Variants in RGS3 observed in about 807,000 individuals in gnomAD.
RGS3 encodes the protein regulator of G-protein signalling 3.
RGS3 carries 80 observed loss-of-function variants against 132.6 expected under a neutral mutation model. The observed-to-expected ratio is 0.60, with a 90% confidence interval of 0.50 to 0.73. The LOEUF is 0.73. RGS3 is among the 30% of genes least tolerant of loss of function. The probability of loss-of-function intolerance (pLI) is 0.00; values close to 1 mark genes in which losing one functional copy is unlikely to be tolerated. For missense variants in RGS3, 1,382 were observed against 1,530.8 expected (o/e 0.90, Z 1.62); for synonymous variants, 598 against 620.6 (o/e 0.96, Z 0.54).
intron 9 of RGS3, 30 bp downstream of exon 7, chr9:113,497,434 C>G (rs182387025): frequency 6.3e-7 from 1 of 1,576,362 alleles, no homozygotes; most frequent in Admixed American, 1.7e-5. Flanking sequence ...AGCTTCCCTT[C>G]CCAGGACCTG....
In RGS3 at chr9:113,463,777, T is replaced by C; in HGVS notation, c.415+1576T>C. On this transcript the variant is annotated intron_variant, in intron 3 of 24. Coordinates refer to ENST00000350696, the Ensembl canonical transcript of RGS3. The surrounding 1 kb of genome is among the most constrained non-coding windows in gnomAD (Gnocchi z 4.6). ...CACAGCCGCCTCGGGTTGCAGACGCTCCTGTCCGGGTCGCAGTGGGACGCC... is the reference window on the plus strand; with the variant it reads ...CACAGCCGCCTCGGGTTGCAGACGCCCCTGTCCGGGTCGCAGTGGGACGCC... 2 of 1,598,304 alleles carry C rather than the reference T, an allele frequency of 1.3e-6. No homozygotes were observed. Among genetic ancestry groups the C allele is most frequent in the East Asian group, 4.5e-5 (2 of 44,248 alleles).
Position 113,529,022 on chromosome 9 carries a change from C to G in RGS3, c.1871-199C>G, listed in dbSNP as rs542343149. On this transcript the variant is annotated intron_variant, in intron 17 of 24. Transcript: ENST00000350696. ...GCCAGGCTGACCCGCAGGCAAATGC[C>G]TTAGAGCTGTACATTACCCTGGTTA... Among the ~76,000 whole-genome samples, 8 of 152,322 alleles carry G rather than the reference C, an allele frequency of 5.3e-5. No individual in the cohort carries two copies. In the East Asian group the frequency reaches 1.5e-3, roughly 29 times the overall value.
intron 19 of RGS3, among the ~76,000 whole-genome samples, chr9:113,559,564 A>G (rs7024445): frequency 0.12 from 18,183 of 152,220 alleles, 1,313 homozygotes; most frequent in African/African-American, 0.19. Context: ...GTTGGGAATC[A>G]TCCATTGCGG....
chr9:113,463,644 C>G lies in RGS3; in HGVS notation c.415+1443C>G. 1.5e-6 allele frequency: 2 copies of G among 1,352,850 alleles called. No individual in the cohort carries two copies. The highest frequency in any genetic ancestry group is 1.9e-6 in the Non-Finnish European group (2 of 1,047,438). The allele number at this position is 1,352,850 out of a possible 1,614,324, so 83.8% of individuals were successfully genotyped here. ...GTGGAACTCTCCCCATTCAAACCCGCGCGGGCCAATCAGGGCCGGGCGCGC... is the reference window on the plus strand; with the variant it reads ...GTGGAACTCTCCCCATTCAAACCCGGGCGGGCCAATCAGGGCCGGGCGCGC... On this transcript the variant is annotated intron_variant, in intron 3 of 24. Transcript: ENST00000350696. The surrounding 1 kb of genome is among the most constrained non-coding windows in gnomAD (Gnocchi z 4.6).
chr9:113,461,799 C>T, exon 2 of RGS3: 1 of 1,614,176 alleles, frequency 6.2e-7, no homozygotes, highest in Non-Finnish European at 8.5e-7. Flanking sequence ...GCCTCTGGAG[C>T]CCAAGATAGT....
rs537645978 is a variant in RGS3, at chr9:113,525,569, T to C, written c.1870+2528T>C. On this transcript the variant is annotated intron_variant, in intron 17 of 24. Transcript: ENST00000350696. ...TCTGATTAATATTGCTCATGACTCCTAGGTTTCTTATTTGTCTCTTTCAAA... is the reference window on the plus strand; with the variant it reads ...TCTGATTAATATTGCTCATGACTCCCAGGTTTCTTATTTGTCTCTTTCAAA... Among the ~76,000 whole-genome samples the C allele has an allele frequency of 5.1e-4, 77 of 152,320 alleles. 2 individuals carry two copies. In the Middle Eastern group the frequency reaches 0.037, roughly 74 times the overall value.
chr9:113,536,138 G>A (rs1370072492), intron 18 of RGS3, among the ~76,000 whole-genome samples: 3 of 152,200 alleles, frequency 2.0e-5, no homozygotes, highest in Admixed American at 1.3e-4. Flanking sequence ...ATAGCGAAGC[G>A]GGACCTAAAT....
At chr9:113,466,909 G>A (rs1829661534) in intron 3 of RGS3, among the ~76,000 whole-genome samples, 1 of 151,856 alleles carries the variant, frequency 6.6e-6, no homozygotes, top group African/African-American at 2.4e-5. Flanking sequence ...CAAAGCAATT[G>A]CTAATCTATT....
chr9:113,517,161 G>A, intron 15 of RGS3: 4 of 466,390 alleles, frequency 8.6e-6, no homozygotes, highest in South Asian at 6.2e-5. Context: ...TCTTGGTCCT[G>A]TGAGGCATGA....
intron 7 of RGS3, among the ~76,000 whole-genome samples, chr9:113,494,917 C>G (rs961014025): frequency 1.2e-4 from 19 of 152,086 alleles, no homozygotes; most frequent in African/African-American, 4.6e-4. Flanking sequence ...GCTCTGTCAC[C>G]CAGGCTGCAG....
intron 11 of RGS3, among the ~76,000 whole-genome samples, chr9:113,505,917 G>T (rs1295029456): frequency 6.6e-6 from 1 of 152,194 alleles, no homozygotes; most frequent in Non-Finnish European, 1.5e-5. Flanking sequence ...CACAAATGAA[G>T]ATTTCTCTTA....
Position 113,514,492 on chromosome 9 carries a change from A to G in RGS3, c.1512A>G (p.Thr504=). The G allele has an allele frequency of 1.9e-6, 3 of 1,614,202 alleles. No individual in the cohort carries two copies. In the South Asian group the frequency reaches 3.3e-5, roughly 18 times the overall value. The change falls in exon 15 of 25, where the codon ACA becomes ACG. Residue 504 remains threonine, a synonymous_variant. Coordinates refer to ENST00000350696, the Ensembl canonical transcript of RGS3. ...GTCCCAGTAAAGGGAAGTCCTACAC[A>G]GGCCTGGGGAAGAAGTCCCGGCTGA...
chr9:113,539,227 A>C (rs559725220), intron 19 of RGS3, among the ~76,000 whole-genome samples: 135 of 152,176 alleles, frequency 8.9e-4, no homozygotes, highest in African/African-American at 3.1e-3. Context: ...GCTGGCCACT[A>C]AGGTCTCCAT....
At chr9:113,481,828 C>T (rs1424070900) in intron 4 of RGS3, among the ~76,000 whole-genome samples, 1 of 152,130 alleles carries the variant, frequency 6.6e-6, no homozygotes, top group African/African-American at 2.4e-5. Flanking sequence ...GGGCCAATCA[C>T]CTGAGGTCGG....
intron 10 of RGS3, among the ~76,000 whole-genome samples, chr9:113,499,226 C>CAA (rs57507668): frequency 0.18 from 10,604 of 60,338 alleles, 609 homozygotes; most frequent in Non-Finnish European, 0.24. Context: ...GATTCCATCT[C>CAA]AAAAAAAAAA....
rs555838163 is a variant in RGS3, at chr9:113,544,115, G to A, written c.2037+7197G>A. Among the ~76,000 whole-genome samples, 8 of 152,260 alleles carry A rather than the reference G, an allele frequency of 5.3e-5. No individual in the cohort carries two copies. The South Asian group carries it at 1.7e-3, about 32-fold the overall frequency. ...AGCCCCTCCCTGCTACATAAATCAT[G>A]CTAAGAAGCACACAATGGCCTCTTT... On this transcript the variant is annotated intron_variant, in intron 19 of 24. Transcript: ENST00000350696.
At chr9:113,478,439 G>C (rs1320212968) in intron 3 of RGS3, among the ~76,000 whole-genome samples, 1 of 151,954 alleles carries the variant, frequency 6.6e-6, no homozygotes, top group African/African-American at 2.4e-5. Flanking sequence ...TTTTTAATTT[G>C]GCATCCTTTC....
chr9:113,584,097 GGAGGACGAGGAT>G, exon 20 of RGS3: 1 of 1,614,238 alleles, frequency 6.2e-7, no homozygotes. Context: ...AGGAAGGGGA[GGAGGACGAGGAT>G]GAGGACACCA....
chr9:113,594,341 A>G (rs889965116), intron 21 of RGS3, 89 bp from the exon 20 acceptor site: 1 of 1,593,800 alleles, frequency 6.3e-7, no homozygotes, highest in Non-Finnish European at 8.6e-7. Context: ...ATGAAGGAGT[A>G]GGTGCCCTCG....
Sources: gnomAD v4.1 joint callset for allele counts (sites outside exome capture counted in the v4.1 genomes callset) on GRCh38, gnomAD v4.1.1 for gene constraint, Gnocchi (gnomAD v3.1) non-coding constraint, MANE v1.5 for transcripts, NCBI Gene and HGNC (gene_info 2026-07-23, HGNC 2026-07-21) for gene names.